The following CAMK1D variants were observed in gnomAD, a reference collection of about 807,000 sequenced individuals.
CAMK1D encodes calcium/calmodulin-dependent protein kinase type 1D.
A neutral mutation model predicts 47.7 loss-of-function variants in CAMK1D; 9 were observed. The observed-to-expected ratio is 0.19, with a 90% CI of 0.11 to 0.33. The LOEUF is 0.33. Among genes scored for constraint, CAMK1D ranks in the 10% least tolerant of loss-of-function variants. The pLI is 1.00. For missense variants in CAMK1D, 291 were observed against 488.7 expected (o/e 0.60, Z 3.81); for synonymous variants, 184 against 184.9 (o/e 0.99, Z 0.04).
chr10:12,686,760 G>A (rs1277118701), intron 3 of CAMK1D, among the ~76,000 whole-genome samples: 1 of 152,134 alleles, frequency 6.6e-6, no homozygotes, highest in Non-Finnish European at 1.5e-5. Flanking sequence ...TTTGGAGTGG[G>A]AAGCAAACAT....
At chr10:12,662,770 C>G (rs546718627) in intron 2 of CAMK1D, among the ~76,000 whole-genome samples, 91 of 152,256 alleles carry the variant, frequency 6.0e-4, no homozygotes, top group Non-Finnish European at 1.1e-3. Flanking sequence ...TTGTTTGGCA[C>G]TGGGGTGACA....
At chr10:12,746,215 T>C (rs1835667599) in intron 3 of CAMK1D, among the ~76,000 whole-genome samples, 1 of 144,240 alleles carries the variant, frequency 6.9e-6, no homozygotes, top group Admixed American at 6.7e-5. Flanking sequence ...AAACAAAAAA[T>C]TAGCTGGGCG....
In CAMK1D at chr10:12,556,870, T is replaced by C. The variant is rs186741808; in HGVS notation, c.224+3514T>C. ...TATGTAGGGAGAATAGTGAGGAGGC[T>C]GTTGGAAGAATCTGGTGGAGAAATG... On this transcript the variant is annotated intron_variant, in intron 2 of 10. Transcript: ENST00000619168. 5.4e-3 allele frequency among the ~76,000 whole-genome samples: 822 copies of C among 152,284 alleles called. 1 individual carries two copies. Among genetic ancestry groups the C allele is most frequent in the African/African-American group, 0.018 (745 of 41,564 alleles).
At chr10:12,772,362 C>G (rs1457165739) in intron 5 of CAMK1D, among the ~76,000 whole-genome samples, 1 of 152,134 alleles carries the variant, frequency 6.6e-6, no homozygotes, top group African/African-American at 2.4e-5. Flanking sequence ...TCAGCAGTCT[C>G]CCCAGGCTGA....
chr10:12,822,463 T>C (rs1483653582), intron 8 of CAMK1D, among the ~76,000 whole-genome samples: 1 of 152,198 alleles, frequency 6.6e-6, no homozygotes. Context: ...CCCACAGATA[T>C]AGCATGGGAC....
chr10:12,717,616 T>C (rs1322987546), intron 3 of CAMK1D, among the ~76,000 whole-genome samples: 1 of 151,706 alleles, frequency 6.6e-6, no homozygotes, highest in Non-Finnish European at 1.5e-5. Context: ...CCAGGTTTAC[T>C]GGTGCATGCC....
chr10:12,400,376 A>C (rs1839133374), intron 1 of CAMK1D, among the ~76,000 whole-genome samples: 1 of 152,170 alleles, frequency 6.6e-6, no homozygotes, highest in East Asian at 1.9e-4. Context: ...CTGAGCAGTC[A>C]AGCGAAGTGC....
At chr10:12,769,939 GA>G (rs1836964639) in intron 5 of CAMK1D, 140 bp downstream of exon 5, 2 of 906,768 alleles carry the variant, frequency 2.2e-6, no homozygotes, top group Non-Finnish European at 1.7e-6. Context: ...TCCCCTGGGG[GA>G]AAGAATAAAA....
At chr10:12,815,979 G>T (rs12217840) in intron 7 of CAMK1D, among the ~76,000 whole-genome samples, 5 of 152,050 alleles carry the variant, frequency 3.3e-5, no homozygotes, top group African/African-American at 9.7e-5. Flanking sequence ...TCAACCAAAG[G>T]TATCACTAGC....
chr10:12,380,436 G>A (rs373653348), intron 1 of CAMK1D, among the ~76,000 whole-genome samples: 18 of 152,282 alleles, frequency 1.2e-4, no homozygotes, highest in African/African-American at 4.3e-4. Context: ...ACCCAAAGGA[G>A]GCCAAACAAA....
At chr10:12,755,272 T>G (rs1836176755) in intron 3 of CAMK1D, among the ~76,000 whole-genome samples, 1 of 152,136 alleles carries the variant, frequency 6.6e-6, no homozygotes, top group African/African-American at 2.4e-5. Context: ...GCACCAAACC[T>G]ACGGAAGTTA....
intron 1 of CAMK1D, chr10:12,415,778 A>T (rs1042635746): frequency 2.7e-5 from 4 of 150,620 alleles, no homozygotes; most frequent in African/African-American, 9.8e-5. Flanking sequence ...TTAAAAAAAG[A>T]TAGACATGGT....
At chr10:12,713,465 A>G (rs977139891) in intron 3 of CAMK1D, among the ~76,000 whole-genome samples, 3 of 152,162 alleles carry the variant, frequency 2.0e-5, no homozygotes, top group African/African-American at 7.2e-5. Context: ...TCTCACAGCA[A>G]TGACATTTGA....
At chr10:12,624,273 C>G (rs142540636) in intron 2 of CAMK1D, among the ~76,000 whole-genome samples, 3 of 151,974 alleles carry the variant, frequency 2.0e-5, no homozygotes, top group Admixed American at 2.0e-4. Context: ...TGTAATAGAT[C>G]TACCCTATTA....
chr10:12,501,753 C>T (rs755315863), intron 1 of CAMK1D, among the ~76,000 whole-genome samples: 1 of 150,466 alleles, frequency 6.6e-6, no homozygotes, highest in Non-Finnish European at 1.5e-5. Context: ...TGCTGTTAAA[C>T]ATCCCTTAAT....
chr10:12,546,847 T>C (rs1012149448), intron 1 of CAMK1D, among the ~76,000 whole-genome samples: 3 of 151,900 alleles, frequency 2.0e-5, no homozygotes, highest in African/African-American at 4.8e-5. Flanking sequence ...TTAGGAGATA[T>C]ACCTAATGCT....
intron 5 of CAMK1D, among the ~76,000 whole-genome samples, chr10:12,770,933 G>T (rs1051374286): frequency 6.6e-6 from 1 of 151,656 alleles, no homozygotes; most frequent in Non-Finnish European, 1.5e-5. Context: ...TTTGTGGGGG[G>T]TGGGGGGTGT....
intron 1 of CAMK1D, among the ~76,000 whole-genome samples, chr10:12,468,962 A>C (rs2132070891): frequency 6.6e-6 from 1 of 152,140 alleles, no homozygotes; most frequent in Non-Finnish European, 1.5e-5. Flanking sequence ...TCTGGTCCCA[A>C]ATCTCATCTG....
intron 1 of CAMK1D, among the ~76,000 whole-genome samples, chr10:12,397,322 C>G (rs1838998929): frequency 6.6e-6 from 1 of 152,280 alleles, no homozygotes; most frequent in South Asian, 2.1e-4. Flanking sequence ...GTTCCGTCTG[C>G]TTTGTGTGTC....
Sources: gnomAD v4.1 joint callset for allele counts (sites outside exome capture counted in the v4.1 genomes callset) on GRCh38, gnomAD v4.1.1 for gene constraint, MANE v1.5 for transcripts, NCBI Gene and HGNC (gene_info 2026-07-23, HGNC 2026-07-21) for gene names.